Variants in SLC37A3 observed in about 807,000 individuals in gnomAD.
SLC37A3 encodes the protein sugar phosphate exchanger 3.
A neutral mutation model predicts 67.1 loss-of-function variants in SLC37A3; 51 were observed. That is an observed-to-expected ratio of 0.76 (90% CI 0.61 to 0.96). The LOEUF (loss-of-function observed/expected upper bound fraction) is 0.96, where lower values mean the gene tolerates loss of function less well. Among genes scored for constraint, SLC37A3 ranks in the 40% least tolerant of loss-of-function variants. SLC37A3 has a pLI of 0.00. For synonymous variants in SLC37A3, 214 were observed against 231.4 expected, an observed-to-expected ratio of 0.92 and a Z score of 0.68; for missense variants, 508 against 603.0, an observed-to-expected ratio of 0.84 and a Z score of 1.65.
At chr7:140,339,265 T>C (rs1314921669) in intron 13 of SLC37A3, among the ~76,000 whole-genome samples, 1 of 48,874 alleles carries the variant, frequency 2.0e-5, no homozygotes, top group Admixed American at 1.7e-4. Flanking sequence ...CCCAGTTTTG[T>C]TTTTTTTTTT....
At position 140,348,707 on chromosome 7, in the gene SLC37A3, AG is replaced by A. The variant is rs754778913; in HGVS notation, c.942del (p.Tyr316IlefsTer2). 1.2e-6 allele frequency: 2 copies of A among 1,614,114 alleles called. No homozygotes were observed. The highest frequency in any genetic ancestry group is 1.6e-4 in the Middle Eastern group (1 of 6,062). ...LVNYSFFFWL[P>X]FYLSNNFGWK... ...CAGCCGAAGTTGTTACTCAGATAAA[AG>A]GGGAGCCAGAAGAAGAAGGAGTAAT... On this transcript the variant is annotated frameshift_variant, in exon 10 of 15. Transcript: ENST00000326232. LOFTEE classifies it high-confidence loss of function.
At chr7:140,393,653 A>T (rs1224444418) in intron 1 of SLC37A3, among the ~76,000 whole-genome samples, 1 of 152,132 alleles carries the variant, frequency 6.6e-6, no homozygotes, top group Non-Finnish European at 1.5e-5. Flanking sequence ...GTCACCCCCT[A>T]GAGTGAGCTC....
At chr7:140,343,604 A>ACC (rs1796445244) in intron 12 of SLC37A3, 41 bp from the exon 13 acceptor site, 1 of 1,600,602 alleles carries the variant, frequency 6.2e-7, no homozygotes, top group African/African-American at 1.3e-5. Context: ...ACAATTCACA[A>ACC]CCACTAGCAA....
intron 1 of SLC37A3, among the ~76,000 whole-genome samples, chr7:140,387,810 A>T (rs1563053617): frequency 0.049 from 9 of 184 alleles, no homozygotes; most frequent in African/African-American, 0.067. Context: ...ATTATACATA[A>T]ATATAAATAT....
chr7:140,358,535 G>A, intron 6 of SLC37A3, 105 bp downstream of exon 6: 1 of 1,448,068 alleles, frequency 6.9e-7, no homozygotes. Context: ...AACGAAAGAT[G>A]TGGGTGGTAT....
intron 10 of SLC37A3, among the ~76,000 whole-genome samples, chr7:140,346,588 T>C (rs1034011803): frequency 2.0e-5 from 3 of 152,304 alleles, no homozygotes; most frequent in Admixed American, 6.5e-5. Context: ...TCTTTTTAAT[T>C]TGAAAGATAA....
chr7:140,352,297 C>A, intron 7 of SLC37A3, 151 bp from the exon 8 acceptor site: 1 of 652,422 alleles, frequency 1.5e-6, no homozygotes, highest in Non-Finnish European at 2.7e-6. Context: ...TCTACTGGGC[C>A]GGGCGCCATG....
At chr7:140,359,689 A>C (rs1338944152) in intron 5 of SLC37A3, among the ~76,000 whole-genome samples, 1 of 152,206 alleles carries the variant, frequency 6.6e-6, no homozygotes, top group South Asian at 2.1e-4. Context: ...TATTCTGAGA[A>C]TACTCTGCAT....
In SLC37A3 at chr7:140,345,262, A is replaced by C. The variant is rs1796509391; in HGVS notation, c.1128T>G (p.Arg376=). The C allele has an allele frequency of 2.5e-6, 4 of 1,613,826 alleles. No homozygotes were observed. The highest frequency in any genetic ancestry group is 1.7e-5 in the Admixed American group (1 of 59,992). The stretch of plus-strand genomic sequence containing the variant: ...CATTGATGGACTTATCATTTGGAGA[A>C]CCTGTGAGGGAAGACACAGACAAAC... The part of the protein sequence containing the change: ...LAVGSLIGYS[R]SPNDKSINAL... Residue 376 remains arginine (R), a splice_region_variant and synonymous_variant, in exon 12 of 15, where the codon CGT becomes CGG. Coordinates refer to ENST00000326232, the MANE Select transcript of SLC37A3 (RefSeq NM_207113.3).
At chr7:140,341,450 A>C (rs890173910) in intron 13 of SLC37A3, among the ~76,000 whole-genome samples, 1 of 152,134 alleles carries the variant, frequency 6.6e-6, no homozygotes, top group African/African-American at 2.4e-5. Flanking sequence ...CAACCTGAAG[A>C]AGAAACAATT....
chr7:140,368,430 G>C (rs1044240923), intron 4 of SLC37A3, among the ~76,000 whole-genome samples: 1 of 152,118 alleles, frequency 6.6e-6, no homozygotes, highest in Non-Finnish European at 1.5e-5. Context: ...AGCCGGGCGT[G>C]GTGGCGCATG....
chr7:140,364,601 CTT>C, intron 4 of SLC37A3, 110 bp from the exon 5 acceptor site: 1 of 1,007,024 alleles, frequency 9.9e-7, no homozygotes, highest in Non-Finnish European at 1.5e-6. Context: ...AAAATTAACT[CTT>C]ATACACATGC....
chr7:140,384,401 C>T (rs1798368957), intron 1 of SLC37A3, among the ~76,000 whole-genome samples: 1 of 151,910 alleles, frequency 6.6e-6, no homozygotes, highest in African/African-American at 2.4e-5. Context: ...AGGGAAACAC[C>T]CACAGCATTA....
intron 5 of SLC37A3, among the ~76,000 whole-genome samples, chr7:140,363,698 A>AAC: frequency 8.9e-6 from 1 of 112,004 alleles, no homozygotes; most frequent in East Asian, 2.7e-4. Flanking sequence ...AATAAAAAAA[A>AAC]AATAAATAAA....
intron 1 of SLC37A3, among the ~76,000 whole-genome samples, chr7:140,398,103 C>G (rs1165995244): frequency 6.6e-6 from 1 of 152,224 alleles, no homozygotes; most frequent in African/African-American, 2.4e-5. Context: ...TCTCCCAGAC[C>G]CACGGCCGGA....
At position 140,345,881 on chromosome 7, in the gene SLC37A3, T is replaced by TC. The variant is rs1563010659; in HGVS notation, c.1113_1114insG (p.Ile372AspfsTer4). On this transcript the variant is annotated frameshift_variant, in exon 11 of 15. Transcript: ENST00000326232. LOFTEE classifies it high-confidence loss of function. ...AAAGAATACTCACGACTATACCCGA[T>TC]GAGGGACCCAACTGCCAGAAGCAGA... 1 of 1,613,396 alleles carries TC rather than the reference T, an allele frequency of 6.2e-7. No individual in the cohort carries two copies.
At chr7:140,348,405 G>C (rs537620473) in intron 10 of SLC37A3, 1 of 449,336 alleles carries the variant, frequency 2.2e-6, no homozygotes, top group Admixed American at 4.4e-5. Flanking sequence ...TCACAGCGCT[G>C]CCTTAGGCTA....
intron 5 of SLC37A3, among the ~76,000 whole-genome samples, chr7:140,362,850 G>T (rs1267052915): frequency 1.3e-5 from 1 of 77,438 alleles, no homozygotes; most frequent in African/African-American, 4.8e-5. Context: ...CGCCCCTACT[G>T]GGAAGCGAGG....
chr7:140,336,776 C>A (rs73737574), intron 14 of SLC37A3, among the ~76,000 whole-genome samples: 9,302 of 152,080 alleles, frequency 0.061, 530 homozygotes, highest in African/African-American at 0.15. Flanking sequence ...AGGTCAAGAG[C>A]AAACTGAGAG....
Sources: gnomAD v4.1 joint callset for allele counts (sites outside exome capture counted in the v4.1 genomes callset) on GRCh38, gnomAD v4.1.1 for gene constraint, MANE v1.5 for transcripts, NCBI Gene and HGNC (gene_info 2026-07-23, HGNC 2026-07-21) for gene names.